PCDHGA5: variants seen among roughly 807,000 people sequenced by gnomAD.
PCDHGA5 encodes protocadherin gamma subfamily A, 5, also known as protocadherin gamma-A5.
PCDHGA5 carries 36 observed loss-of-function variants against 56.7 expected under a neutral mutation model. The ratio of observed to expected loss-of-function variants is 0.64; its 90% CI spans 0.49 to 0.84. The LOEUF (loss-of-function observed/expected upper bound fraction) is 0.84. Ranked by LOEUF, PCDHGA5 falls within the 40% of genes least tolerant of loss-of-function variation. PCDHGA5 has a pLI of 0.00. For synonymous variants in PCDHGA5, 563 were observed against 520.2 expected, an observed-to-expected ratio of 1.08 and a Z score of -1.12; for missense variants, 1,305 against 1,201.5, an observed-to-expected ratio of 1.09 and a Z score of -1.27.
intron 1 of PCDHGA5, among the ~76,000 whole-genome samples, chr5:141,445,746 TA>T (rs1486411811): frequency 2.0e-5 from 3 of 152,028 alleles, no homozygotes; most frequent in Non-Finnish European, 4.4e-5. Flanking sequence ...TTTTAAAAAA[TA>T]AAAGGTGTGA....
chr5:141,500,124 A>G (rs1042231430), intron 2 of PCDHGA5, among the ~76,000 whole-genome samples: 2 of 151,656 alleles, frequency 1.3e-5, no homozygotes, highest in African/African-American at 2.4e-5. Flanking sequence ...GCCTTTTCAT[A>G]TATATCTTTC....
Position 141,487,500 on chromosome 5 carries a change from C to G in PCDHGA5, c.2422-7307C>G. 6.2e-7 allele frequency: 1 copy of G among 1,614,178 alleles called. No individual in the cohort carries two copies. Among genetic ancestry groups the G allele is most frequent in the East Asian group, 2.2e-5 (1 of 44,862 alleles). Reference sequence around the variant, plus strand: ...CACTCTCATGGCTGTACACCCTTGGCTTCTGCACCCACTCGGAGTGATAGC... The same window carrying G: ...CACTCTCATGGCTGTACACCCTTGGGTTCTGCACCCACTCGGAGTGATAGC... On this transcript the variant is annotated intron_variant, in intron 1 of 3. Coordinates refer to ENST00000518069, the MANE Select transcript of PCDHGA5 (RefSeq NM_018918.3). The surrounding 1 kb of genome is among the most constrained non-coding windows in gnomAD (Gnocchi z 5.0).
At chr5:141,408,956 A>G in intron 1 of PCDHGA5, 1 of 1,613,714 alleles carries the variant, frequency 6.2e-7, no homozygotes, top group Non-Finnish European at 8.5e-7. Flanking sequence ...AATTAGTCTT[A>G]GTGAAAATCT....
chr5:141,407,971 G>A, intron 1 of PCDHGA5: 2 of 717,762 alleles, frequency 2.8e-6, no homozygotes, highest in South Asian at 2.3e-5. Flanking sequence ...AAGCGCTGAC[G>A]CCGGGGATCC....
chr5:141,389,935 C>A, intron 1 of PCDHGA5: 1 of 1,614,084 alleles, frequency 6.2e-7, no homozygotes, highest in Non-Finnish European at 8.5e-7. Flanking sequence ...GACCTCCAGG[C>A]TGAGCTGCAG....
Position 141,389,558 on chromosome 5 carries a change from A to G in PCDHGA5, c.2421+22807A>G, listed in dbSNP as rs778077135. 14 of 1,613,148 alleles carry G rather than the reference A, an allele frequency of 8.7e-6. No individual in the cohort carries two copies. The East Asian group carries it at 8.9e-5, about 10-fold the overall frequency. ...TGGACGACCGCAACGACAATGCGCC[A>G]CGGGTGCTGTACCCCGCGCTGGGTC... On this transcript the variant is annotated intron_variant, in intron 1 of 3. Transcript: ENST00000518069.
intron 1 of PCDHGA5, among the ~76,000 whole-genome samples, chr5:141,492,329 C>T (rs2099739386): frequency 1.3e-5 from 2 of 152,232 alleles, no homozygotes; most frequent in African/African-American, 4.8e-5. Context: ...CGTGGGCTTA[C>T]GCGAATACCA....
intron 1 of PCDHGA5, among the ~76,000 whole-genome samples, chr5:141,463,418 C>T (rs1442067485): frequency 3.6e-5 from 5 of 138,240 alleles, no homozygotes; most frequent in Admixed American, 2.9e-4. Flanking sequence ...TCCTAGTTTG[C>T]GGATCCTCAT....
intron 1 of PCDHGA5, chr5:141,417,801 G>A (rs368563336): frequency 1.3e-6 from 2 of 1,490,494 alleles, no homozygotes; most frequent in South Asian, 1.4e-5. Context: ...CTTTTAGCGC[G>A]GTAGAGTGCA....
At chr5:141,394,607 G>C (rs769750411) in intron 1 of PCDHGA5, 10 of 1,613,414 alleles carry the variant, frequency 6.2e-6, no homozygotes, top group South Asian at 2.2e-5. Context: ...ACAGAGACTC[G>C]GGCCAGAACG....
rs1385408442 is a variant in PCDHGA5 at position 141,487,321 on chromosome 5, T to A, written c.2422-7486T>A. 1 of 1,614,198 alleles carries A rather than the reference T, an allele frequency of 6.2e-7. No homozygotes were observed. The highest frequency in any genetic ancestry group is 1.7e-5 in the Admixed American group (1 of 60,032). ...TCGTGGCACTACTCTCTAAGTGTCT[T>A]CGTGGGGCAGCCTGTGGAGTCACAT... is the stretch of plus-strand genomic sequence containing the variant. On this transcript the variant is annotated intron_variant, in intron 1 of 3. Transcript: ENST00000518069. This position sits in a 1 kb window ranked among gnomAD's most constrained non-coding sequence, Gnocchi z 5.0.
chr5:141,375,470 G>A (rs1771485342), intron 1 of PCDHGA5: 1 of 1,613,784 alleles, frequency 6.2e-7, no homozygotes, highest in Admixed American at 1.7e-5. Flanking sequence ...CTATGTCCTT[G>A]AAAACAACCC....
At chr5:141,411,097 A>C (rs2095464397) in intron 1 of PCDHGA5, 1 of 153,002 alleles carries the variant, frequency 6.5e-6, no homozygotes, top group Non-Finnish European at 1.4e-5. Flanking sequence ...TGATCCTCCC[A>C]CCTTGGCCTC....
chr5:141,466,510 A>AT (rs1222513096), intron 1 of PCDHGA5, among the ~76,000 whole-genome samples: 1 of 151,938 alleles, frequency 6.6e-6, no homozygotes, highest in African/African-American at 2.4e-5. Context: ...AGACAAGATC[A>AT]TTTTTTTTCC....
intron 1 of PCDHGA5, among the ~76,000 whole-genome samples, chr5:141,483,007 C>T (rs938404755): frequency 1.3e-5 from 2 of 152,022 alleles, no homozygotes; most frequent in Non-Finnish European, 2.9e-5. Flanking sequence ...ATTGCTTGAA[C>T]CCGGGAGGCA....
Position 141,486,793 on chromosome 5 carries a change from G to C in PCDHGA5, c.2422-8014G>C. ...AGTTTGAGGTGCAGGCCCGGGATCG[G>C]GGCAACCCACCCCTTAGCAGCACTG... is the stretch of plus-strand genomic sequence containing the variant. On this transcript the variant is annotated intron_variant, in intron 1 of 3. Transcript: ENST00000518069. This position sits in a 1 kb window ranked among gnomAD's most constrained non-coding sequence, Gnocchi z 5.0. 6.2e-7 allele frequency: 1 copy of C among 1,614,244 alleles called. No homozygotes were observed. Among genetic ancestry groups the C allele is most frequent in the Non-Finnish European group, 8.5e-7 (1 of 1,180,050 alleles).
Position 141,493,554 on chromosome 5 carries a change from G to A in PCDHGA5, c.2422-1253G>A, listed in dbSNP as rs2099748882. The stretch of plus-strand genomic sequence containing the variant: ...GGCCAGTTATCCTTTTGGAGATTGA[G>A]TTCCCCCAGCTCCGTTTCCTCCTAT... On this transcript the variant is annotated intron_variant, in intron 1 of 3. Coordinates refer to ENST00000518069, the MANE Select transcript of PCDHGA5 (RefSeq NM_018918.3). The surrounding 1 kb of genome is among the most constrained non-coding windows in gnomAD (Gnocchi z 4.3). 6.6e-6 allele frequency among the ~76,000 whole-genome samples: 1 copy of A among 152,166 alleles called. No homozygotes were observed. Among genetic ancestry groups the A allele is most frequent in the Admixed American group, 6.5e-5 (1 of 15,282 alleles).
At chr5:141,474,912 C>T (rs1018411233) in intron 1 of PCDHGA5, among the ~76,000 whole-genome samples, 6 of 152,214 alleles carry the variant, frequency 3.9e-5, no homozygotes, top group African/African-American at 1.2e-4. Flanking sequence ...CAAGGATATA[C>T]ATCTCATCTC....
At chr5:141,393,553 A>G (rs377510269) in intron 1 of PCDHGA5, 2 of 1,613,810 alleles carry the variant, frequency 1.2e-6, no homozygotes, top group African/African-American at 2.7e-5. Context: ...CACCCGATTT[A>G]CCGAGTGAAA....
Sources: allele counts gnomAD v4.1 joint callset (sites outside exome capture counted in the v4.1 genomes callset), GRCh38; gene constraint gnomAD v4.1.1; non-coding constraint Gnocchi (gnomAD v3.1); transcripts MANE v1.5; gene names NCBI Gene and HGNC (gene_info 2026-07-23, HGNC 2026-07-21).